The following KCNQ1 variants were observed in gnomAD, a reference collection of about 807,000 sequenced individuals.
The protein encoded by KCNQ1 is potassium voltage-gated channel subfamily Q member 1.
A neutral mutation model predicts 72.4 loss-of-function variants in KCNQ1; 49 were observed. The observed-to-expected ratio is 0.68, with a 90% CI of 0.54 to 0.86. The LOEUF is 0.86. KCNQ1 is among the 40% of genes least tolerant of loss of function. The pLI, the probability that KCNQ1 is intolerant of heterozygous loss-of-function variation, is 0.00. For synonymous variants in KCNQ1, 450 were observed against 412.6 expected (o/e 1.09, Z -1.10); for missense variants, 790 against 945.1 (o/e 0.84, Z 2.15).
At chr11:2,609,761 C>T in intron 10 of KCNQ1, 1 of 398,130 alleles carries the variant, frequency 2.5e-6, no homozygotes, top group Non-Finnish European at 4.4e-6. Flanking sequence ...GACATTTTAT[C>T]ATTATGAGAT....
chr11:2,815,628 AG>A lies in KCNQ1; in HGVS notation c.1795-32133del, dbSNP rs756154568. Among the ~76,000 whole-genome samples the A allele has an allele frequency of 1.3e-5, 2 of 152,090 alleles. No homozygotes were observed. Among genetic ancestry groups the A allele is most frequent in the Non-Finnish European group, 2.9e-5 (2 of 67,986 alleles). The stretch of plus-strand genomic sequence containing the variant: ...CCAGGATGCCTGACAGTAGAGTTGC[AG>A]GGGGGCAGGCACCATCGCCCCCAGC... On this transcript the variant is annotated intron_variant, in intron 15 of 15. Transcript: ENST00000155840. This position sits in a 1 kb window ranked among gnomAD's most constrained non-coding sequence, Gnocchi z 5.4.
chr11:2,528,096 A>C, intron 2 of KCNQ1, 78 bp downstream of exon 2: 1 of 1,205,800 alleles, frequency 8.3e-7, no homozygotes, highest in South Asian at 1.2e-5. Context: ...GGGCCCCATA[A>C]GGTGGGGGGC....
In KCNQ1 at chr11:2,473,554, C is replaced by T. The variant is rs995876836; in HGVS notation, c.386+28070C>T. Among the ~76,000 whole-genome samples the T allele has an allele frequency of 6.6e-6, 1 of 152,210 alleles. No individual in the cohort carries two copies. The highest frequency in any genetic ancestry group is 1.5e-5 in the Non-Finnish European group (1 of 68,032). On this transcript the variant is annotated intron_variant, in intron 1 of 15. Transcript: ENST00000155840. The surrounding 1 kb of genome is among the most constrained non-coding windows in gnomAD (Gnocchi z 6.0). ...TTGAGTCCCCTGCCGTGGGACAGCG[C>T]TCAGCATGGCACAGACGCTCAGCCG...
At chr11:2,708,194 G>A (rs187843734) in intron 11 of KCNQ1, among the ~76,000 whole-genome samples, 1 of 152,334 alleles carries the variant, frequency 6.6e-6, no homozygotes, top group Non-Finnish European at 1.5e-5. Context: ...TCCTCAGTAG[G>A]GAGAGAGCTC....
rs1254361823 is a variant in KCNQ1 at position 2,613,173 on chromosome 11, T to A, written c.1393+24319T>A. Reference sequence around the variant, plus strand: ...TATGTGTGGGTTGGGACATTCAAAGTTCAGGCACTTTATAACTCTGTCCTG... The same window carrying A: ...TATGTGTGGGTTGGGACATTCAAAGATCAGGCACTTTATAACTCTGTCCTG... On this transcript the variant is annotated intron_variant, in intron 10 of 15. Transcript: ENST00000155840. The surrounding 1 kb of genome is among the most constrained non-coding windows in gnomAD (Gnocchi z 4.8). The A allele has an allele frequency of 3.3e-5, 13 of 398,454 alleles. No homozygotes were observed. The highest frequency in any genetic ancestry group is 5.8e-5 in the Non-Finnish European group (13 of 226,060). 24.7% of individuals were successfully genotyped at this position (398,454 alleles called of 1,614,324 possible).
intron 1 of KCNQ1, chr11:2,461,444 T>A: frequency 7.8e-7 from 1 of 1,284,266 alleles, no homozygotes; most frequent in Non-Finnish European, 1.0e-6. Flanking sequence ...CCCTCTTCCC[T>A]TCCTCCCCTG....
intron 11 of KCNQ1, among the ~76,000 whole-genome samples, chr11:2,747,087 T>G (rs1021958838): frequency 6.6e-6 from 1 of 152,146 alleles, no homozygotes; most frequent in African/African-American, 2.4e-5. Flanking sequence ...CCTCTCTCAT[T>G]GGGCACATCC....
At chr11:2,736,412 C>T (rs1590060631) in intron 11 of KCNQ1, among the ~76,000 whole-genome samples, 1 of 152,156 alleles carries the variant, frequency 6.6e-6, no homozygotes, top group East Asian at 1.9e-4. Context: ...TTTTTGGAGT[C>T]TTCCTGAGAC....
chr11:2,545,740 C>A (rs557897819), intron 2 of KCNQ1, among the ~76,000 whole-genome samples: 1 of 152,118 alleles, frequency 6.6e-6, no homozygotes, highest in Non-Finnish European at 1.5e-5. Context: ...CTTGAGTGGG[C>A]TTTGGTATTT....
chr11:2,847,002 G>C (rs1232523370), intron 15 of KCNQ1, among the ~76,000 whole-genome samples: 1 of 152,238 alleles, frequency 6.6e-6, no homozygotes, highest in Non-Finnish European at 1.5e-5. Flanking sequence ...GCACTGCTCT[G>C]ACCACAGAAT....
In KCNQ1 at chr11:2,492,344, T is replaced by C. The variant is rs1003216350; in HGVS notation, c.387-35584T>C. Among the ~76,000 whole-genome samples, 1 of 152,036 alleles carries C rather than the reference T, an allele frequency of 6.6e-6. No individual in the cohort carries two copies. Among genetic ancestry groups the C allele is most frequent in the Non-Finnish European group, 1.5e-5 (1 of 67,998 alleles). ...AAAAGCGGAGAGACAAAAGTTGAAG[T>C]GTAGAGATTTTTTGTTTTACTTTAA... On this transcript the variant is annotated intron_variant, in intron 1 of 15. Coordinates refer to ENST00000155840, the MANE Select transcript of KCNQ1 (RefSeq NM_000218.3). This position sits in a 1 kb window ranked among gnomAD's most constrained non-coding sequence, Gnocchi z 4.1.
rs1851055901 is a variant in KCNQ1, at chr11:2,714,456, G to A, written c.1514+52375G>A. Among the ~76,000 whole-genome samples, 16 of 152,322 alleles carry A rather than the reference G, an allele frequency of 1.1e-4. No individual in the cohort carries two copies. In the South Asian group the frequency reaches 3.3e-3, roughly 32 times the overall value. The stretch of plus-strand genomic sequence containing the variant: ...TGGACAGCCCCTCTGCCATCAGTGA[G>A]AACTGTCTTCTCTCTGCTTCCCCTG... On this transcript the variant is annotated intron_variant, in intron 11 of 15. Coordinates refer to ENST00000155840, the MANE Select transcript of KCNQ1 (RefSeq NM_000218.3).
rs1175194452 is a variant in KCNQ1 at position 2,735,654 on chromosome 11, G to A, written c.1515-33190G>A. 1.3e-5 allele frequency among the ~76,000 whole-genome samples: 2 copies of A among 151,976 alleles called. No individual in the cohort carries two copies. Among genetic ancestry groups the A allele is most frequent in the Non-Finnish European group, 2.9e-5 (2 of 68,004 alleles). On this transcript the variant is annotated intron_variant, in intron 11 of 15. Transcript: ENST00000155840. The surrounding 1 kb of genome is among the most constrained non-coding windows in gnomAD (Gnocchi z 7.7). ...CGCTGTCACCACCAAGACCACAGTG[G>A]GGCAGTTTAAACAGCAGGCATTCAT...
chr11:2,846,653 GGGT>G (rs1293647064), intron 15 of KCNQ1, among the ~76,000 whole-genome samples: 2 of 152,228 alleles, frequency 1.3e-5, no homozygotes, highest in Non-Finnish European at 1.5e-5. Flanking sequence ...GAGGGTGCCA[GGGT>G]GCCGGCCTGC....
In KCNQ1 at chr11:2,724,439, G is replaced by A. The variant is rs1845723532; in HGVS notation, c.1515-44405G>A. 6.6e-6 allele frequency among the ~76,000 whole-genome samples: 1 copy of A among 152,124 alleles called. No individual in the cohort carries two copies. Among genetic ancestry groups the A allele is most frequent in the Non-Finnish European group, 1.5e-5 (1 of 67,996 alleles). On this transcript the variant is annotated intron_variant, in intron 11 of 15. Coordinates refer to ENST00000155840, the MANE Select transcript of KCNQ1 (RefSeq NM_000218.3). The surrounding 1 kb of genome is among the most constrained non-coding windows in gnomAD (Gnocchi z 6.8). Reference sequence around the variant, plus strand: ...CTAGGCCTCGAACCCTCCCTGGCAAGCTAACACTGCCCTTGGAGGAAGGAG... The same window carrying A: ...CTAGGCCTCGAACCCTCCCTGGCAAACTAACACTGCCCTTGGAGGAAGGAG...
intron 10 of KCNQ1, chr11:2,629,154 T>C (rs1849310591): frequency 5.0e-6 from 2 of 398,366 alleles, no homozygotes; most frequent in Non-Finnish European, 8.9e-6. Context: ...TTGATAGGCA[T>C]TGCCTTGAAT....
chr11:2,656,681 TTTCACTC>T (rs150171639), intron 10 of KCNQ1: 37,253 of 398,528 alleles, frequency 0.093, 1,948 homozygotes, highest in Middle Eastern at 0.15. Context: ...GGCACTGTCT[TTTCACTC>T]TTTAAGGTGT....
At chr11:2,648,502 A>AT (rs1167957163) in intron 10 of KCNQ1, 1 of 398,320 alleles carries the variant, frequency 2.5e-6, no homozygotes, top group East Asian at 3.6e-5. Flanking sequence ...GAATTTTTAA[A>AT]TTTTTAAAAT....
At chr11:2,605,861 G>T (rs750645005) in intron 10 of KCNQ1, among the ~76,000 whole-genome samples, 14 of 152,300 alleles carry the variant, frequency 9.2e-5, no homozygotes, top group Admixed American at 1.3e-4. Context: ...AGATCAGCAC[G>T]ATTCCGGGAG....
Sources: gnomAD v4.1 joint callset for allele counts (sites outside exome capture counted in the v4.1 genomes callset) on GRCh38, gnomAD v4.1.1 for gene constraint, Gnocchi (gnomAD v3.1) non-coding constraint, MANE v1.5 for transcripts, NCBI Gene and HGNC (gene_info 2026-07-23, HGNC 2026-07-21) for gene names.